The following PDE1C variants were observed in gnomAD, a reference collection of about 807,000 sequenced individuals.
The protein encoded by PDE1C is dual specificity calcium/calmodulin-dependent 3',5'-cyclic nucleotide phosphodiesterase 1C.
PDE1C carries 62 observed loss-of-function variants against 93.1 expected under a neutral mutation model. That is an observed-to-expected ratio of 0.67 (90% CI 0.54 to 0.82). The LOEUF (loss-of-function observed/expected upper bound fraction) is 0.82, where lower values mean the gene tolerates loss of function less well. Ranked by LOEUF, PDE1C falls within the 40% of genes least tolerant of loss-of-function variation. The probability of loss-of-function intolerance (pLI) is 0.00; values close to 1 mark genes in which losing one functional copy is unlikely to be tolerated. For missense variants in PDE1C, 742 were observed against 884.6 expected (o/e 0.84, Z 2.04); for synonymous variants, 325 against 310.1 (o/e 1.05, Z -0.50).
At chr7:32,046,675 T>G (rs960850866) in intron 2 of PDE1C, among the ~76,000 whole-genome samples, 4 of 152,152 alleles carry the variant, frequency 2.6e-5, no homozygotes, top group Admixed American at 6.6e-5. Context: ...ATCAGTATAA[T>G]ATGATTATCA....
At chr7:31,810,086 T>C (rs1787366707) in intron 15 of PDE1C, among the ~76,000 whole-genome samples, 1 of 152,116 alleles carries the variant, frequency 6.6e-6, no homozygotes. Flanking sequence ...ATATTTTCTC[T>C]CTGGTTCTTT....
the PDE1C span, among the ~76,000 whole-genome samples, chr7:31,695,218 C>T: frequency 3.0e-4 from 45 of 152,228 alleles, no homozygotes; most frequent in Non-Finnish European, 2.4e-4. Context: ...TTTTTCTTTG[C>T]CTCGGTGATC....
chr7:31,951,685 G>A lies in PDE1C; in HGVS notation c.129-70825C>T, dbSNP rs148720252. Among the ~76,000 whole-genome samples the A allele has an allele frequency of 1.0e-3, 157 of 152,288 alleles. 3 individuals carry two copies. In the South Asian group the frequency reaches 0.015, roughly 15 times the overall value. ...TTCTCTAATGCATCTTCTCCATGGC[G>A]AAGACTTTTTGTTTTACTTAACATA... is the stretch of plus-strand genomic sequence containing the variant. On this transcript the variant is annotated intron_variant, in intron 2 of 17. Coordinates refer to ENST00000396191, the MANE Select transcript of PDE1C (RefSeq NM_001191057.4).
At chr7:32,039,951 C>T (rs1462463401) in intron 2 of PDE1C, among the ~76,000 whole-genome samples, 1 of 152,124 alleles carries the variant, frequency 6.6e-6, no homozygotes. Context: ...TGTTTCAGAA[C>T]GTAGTATACT....
intron 2 of PDE1C, among the ~76,000 whole-genome samples, chr7:32,201,914 G>A (rs1340504254): frequency 6.6e-6 from 1 of 152,194 alleles, no homozygotes; most frequent in African/African-American, 2.4e-5. Context: ...AAAGGAGGAG[G>A]AGGAGCTTCG....
chr7:32,427,408 C>T (rs1197199949), intron 1 of PDE1C, among the ~76,000 whole-genome samples: 1 of 152,156 alleles, frequency 6.6e-6, no homozygotes, highest in Non-Finnish European at 1.5e-5. Context: ...AGTCTTCCCC[C>T]AACTGCACAC....
intron 2 of PDE1C, among the ~76,000 whole-genome samples, chr7:31,897,918 A>T (rs1799505435): frequency 6.6e-6 from 1 of 151,946 alleles, no homozygotes. Context: ...TTGTTTACTC[A>T]CCACAGAACA....
At chr7:32,306,714 C>T (rs1310597627) in intron 1 of PDE1C, among the ~76,000 whole-genome samples, 3 of 152,202 alleles carry the variant, frequency 2.0e-5, no homozygotes, top group African/African-American at 4.8e-5. Context: ...AAACCCCTTA[C>T]CTTGGCTCAT....
chr7:31,637,629 G>T, the PDE1C span, among the ~76,000 whole-genome samples: 1 of 152,096 alleles, frequency 6.6e-6, no homozygotes, highest in Non-Finnish European at 1.5e-5. Context: ...GTAGATTCTG[G>T]ATATTAGCCC....
chr7:31,683,040 G>C, the PDE1C span, among the ~76,000 whole-genome samples: 84 of 152,168 alleles, frequency 5.5e-4, no homozygotes, highest in African/African-American at 2.0e-3. Context: ...AGATCTCTGT[G>C]GTGTTGGAAA....
the PDE1C span, among the ~76,000 whole-genome samples, chr7:31,660,292 T>G: frequency 6.6e-6 from 1 of 152,220 alleles, no homozygotes; most frequent in Non-Finnish European, 1.5e-5. Flanking sequence ...TTCTAAAAAC[T>G]GCTTTTCTGT....
At chr7:31,947,774 G>A (rs1274784479) in intron 2 of PDE1C, among the ~76,000 whole-genome samples, 1 of 152,144 alleles carries the variant, frequency 6.6e-6, no homozygotes, top group Non-Finnish European at 1.5e-5. Flanking sequence ...GAGACACAAG[G>A]TCATAAATAC....
At chr7:31,686,347 C>T in the PDE1C span, among the ~76,000 whole-genome samples, 2 of 152,200 alleles carry the variant, frequency 1.3e-5, no homozygotes, top group African/African-American at 4.8e-5. Context: ...CTCCAAAAGA[C>T]AGCATGTCTC....
At chr7:32,422,483 C>G (rs111533236) in intron 1 of PDE1C, among the ~76,000 whole-genome samples, 3,094 of 140,328 alleles carry the variant, frequency 0.022, 101 homozygotes, top group East Asian at 0.14. Context: ...CCTTTCCCCC[C>G]CACCTGGCCT....
At chr7:32,190,605 C>G (rs531058922) in intron 2 of PDE1C, among the ~76,000 whole-genome samples, 2 of 152,162 alleles carry the variant, frequency 1.3e-5, no homozygotes, top group Non-Finnish European at 2.9e-5. Flanking sequence ...ATTTTCCCTC[C>G]TGGTTTGGAG....
At chr7:32,140,462 T>C (rs1282953336) in intron 3 of PDE1C, among the ~76,000 whole-genome samples, 3 of 152,228 alleles carry the variant, frequency 2.0e-5, no homozygotes, top group Non-Finnish European at 2.9e-5. Flanking sequence ...ACGTGTAGAA[T>C]AAAGTGATCT....
chr7:31,916,295 T>C (rs17160696), intron 2 of PDE1C, among the ~76,000 whole-genome samples: 3 of 152,140 alleles, frequency 2.0e-5, no homozygotes, highest in African/African-American at 4.8e-5. Context: ...CAAACCTACA[T>C]GGTGATTTGC....
intron 1 of PDE1C, among the ~76,000 whole-genome samples, chr7:32,263,447 C>T (rs921258974): frequency 6.6e-6 from 1 of 152,006 alleles, no homozygotes; most frequent in African/African-American, 2.4e-5. Flanking sequence ...AGATAAGTTA[C>T]ATACATTATG....
At chr7:32,039,761 T>C (rs1256095772) in intron 2 of PDE1C, among the ~76,000 whole-genome samples, 1 of 152,238 alleles carries the variant, frequency 6.6e-6, no homozygotes, top group Non-Finnish European at 1.5e-5. Context: ...TATTATAATT[T>C]ACTGTCTCTA....
Sources: gnomAD v4.1 joint callset for allele counts (sites outside exome capture counted in the v4.1 genomes callset) on GRCh38, gnomAD v4.1.1 for gene constraint, MANE v1.5 for transcripts, NCBI Gene and HGNC (gene_info 2026-07-23, HGNC 2026-07-21) for gene names.